Variants in CNTNAP2 observed in about 807,000 individuals in gnomAD.
CNTNAP2 encodes the protein contactin-associated protein-like 2.
CNTNAP2 carries 98 observed loss-of-function variants against 155.2 expected under a neutral mutation model. The observed-to-expected ratio is 0.63, with a 90% CI of 0.54 to 0.75. CNTNAP2 has a LOEUF of 0.75. CNTNAP2 is among the 30% of genes least tolerant of loss of function. The pLI is 0.00. For synonymous variants in CNTNAP2, 651 were observed against 631.2 expected (o/e 1.03, Z -0.47); for missense variants, 1,727 against 1,688.1 (o/e 1.02, Z -0.40).
At chr7:147,292,666 A>C (rs1250343579) in intron 8 of CNTNAP2, among the ~76,000 whole-genome samples, 1 of 152,182 alleles carries the variant, frequency 6.6e-6, no homozygotes, top group Non-Finnish European at 1.5e-5. Flanking sequence ...AAGGACCACT[A>C]CCTAGATCCT....
chr7:147,580,619 ATT>A (rs5888275), intron 12 of CNTNAP2, among the ~76,000 whole-genome samples: 4,381 of 142,294 alleles, frequency 0.031, 195 homozygotes, highest in African/African-American at 0.1. Flanking sequence ...TTACATTATC[ATT>A]TTTTTTTTTT....
At chr7:146,911,902 C>G (rs1796291575) in intron 3 of CNTNAP2, among the ~76,000 whole-genome samples, 1 of 152,106 alleles carries the variant, frequency 6.6e-6, no homozygotes. Flanking sequence ...ATCTCAAACA[C>G]ACATAGAATT....
chr7:147,302,246 G>T (rs1417996161), intron 9 of CNTNAP2, among the ~76,000 whole-genome samples: 1 of 152,196 alleles, frequency 6.6e-6, no homozygotes. Flanking sequence ...AATCTCTGCT[G>T]ATCCCTTGAC....
intron 3 of CNTNAP2, among the ~76,000 whole-genome samples, chr7:146,929,632 A>G (rs1009915969): frequency 6.6e-6 from 1 of 152,200 alleles, no homozygotes; most frequent in Non-Finnish European, 1.5e-5. Context: ...CAGATGATCA[A>G]ACTACTCCGA....
intron 13 of CNTNAP2, among the ~76,000 whole-genome samples, chr7:147,767,748 A>T (rs1302067140): frequency 2.0e-5 from 3 of 152,108 alleles, no homozygotes; most frequent in Non-Finnish European, 1.5e-5. Context: ...AAGTGTCTTC[A>T]TGTGAGAAAG....
intron 3 of CNTNAP2, among the ~76,000 whole-genome samples, chr7:146,842,689 T>C (rs1442242734): frequency 6.6e-6 from 1 of 152,058 alleles, no homozygotes; most frequent in Non-Finnish European, 1.5e-5. Flanking sequence ...TGTCACATAC[T>C]TTTTTATTTT....
intron 11 of CNTNAP2, among the ~76,000 whole-genome samples, chr7:147,506,520 G>T (rs1244774271): frequency 6.6e-6 from 1 of 152,200 alleles, no homozygotes; most frequent in African/African-American, 2.4e-5. Flanking sequence ...CTCCCAAAAT[G>T]CTGGGATTAC....
intron 11 of CNTNAP2, among the ~76,000 whole-genome samples, chr7:147,561,029 A>G (rs1800052409): frequency 6.6e-6 from 1 of 151,950 alleles, no homozygotes; most frequent in African/African-American, 2.4e-5. Flanking sequence ...TATTCCTGTT[A>G]GAGTAACTAC....
intron 3 of CNTNAP2, among the ~76,000 whole-genome samples, chr7:146,965,413 G>GTTT (rs928582597): frequency 2.6e-5 from 4 of 151,914 alleles, no homozygotes; most frequent in Non-Finnish European, 4.4e-5. Flanking sequence ...CTCACATTGG[G>GTTT]TTTTTCTTAC....
chr7:146,500,738 C>T (rs957594160), intron 1 of CNTNAP2, among the ~76,000 whole-genome samples: 16 of 152,048 alleles, frequency 1.1e-4, no homozygotes, highest in Admixed American at 1.1e-3. Context: ...TTTTATCTGG[C>T]CAGAACCACC....
intron 1 of CNTNAP2, among the ~76,000 whole-genome samples, chr7:146,143,340 C>T (rs748357853): frequency 6.6e-6 from 1 of 152,104 alleles, no homozygotes; most frequent in Non-Finnish European, 1.5e-5. Flanking sequence ...ATGGATTGGA[C>T]TTTGTTAATG....
intron 9 of CNTNAP2, among the ~76,000 whole-genome samples, chr7:147,310,572 C>A (rs1479838): frequency 0.49 from 74,575 of 151,882 alleles, 19,479 homozygotes; most frequent in East Asian, 0.73. Flanking sequence ...AACTGTAATG[C>A]CTTGTATATC....
intron 13 of CNTNAP2, among the ~76,000 whole-genome samples, chr7:147,850,635 G>C (rs1051871000): frequency 1.3e-5 from 2 of 152,154 alleles, no homozygotes; most frequent in African/African-American, 4.8e-5. Flanking sequence ...ACAACCATCT[G>C]ATCTTTGACA....
chr7:148,416,402 ACCATGGTGACCAGC>A lies in CNTNAP2; in HGVS notation c.*787_*800del, dbSNP rs964997993. ...AATAGCTGTAACTATCAGCTGCAAT[ACCATGGTGACCAGC>A]TGTTACAAAAGATTTTTTCCTGTTT... is the stretch of plus-strand genomic sequence containing the variant. On this transcript the variant is annotated 3_prime_UTR_variant, in exon 24 of 24. Coordinates refer to ENST00000361727, the MANE Select transcript of CNTNAP2 (RefSeq NM_014141.6). The A allele has an allele frequency of 2.0e-5, 3 of 152,166 alleles. No individual in the cohort carries two copies. The highest frequency in any genetic ancestry group is 2.0e-4 in the Admixed American group (3 of 15,280). The allele number at this position is 152,166 out of a possible 1,614,324, so 9.4% of individuals were successfully genotyped here.
At chr7:146,418,866 C>G (rs1255572076) in intron 1 of CNTNAP2, among the ~76,000 whole-genome samples, 1 of 152,012 alleles carries the variant, frequency 6.6e-6, no homozygotes, top group African/African-American at 2.4e-5. Context: ...GAAGTGAAGA[C>G]AGGGACAAGA....
intron 9 of CNTNAP2, among the ~76,000 whole-genome samples, chr7:147,392,213 C>T (rs529288087): frequency 6.2e-4 from 95 of 152,178 alleles, no homozygotes; most frequent in Non-Finnish European, 1.1e-3. Flanking sequence ...AGAGCCATCA[C>T]GCTTCTTTTA....
chr7:148,327,385 G>C (rs756957269), intron 21 of CNTNAP2, among the ~76,000 whole-genome samples: 15 of 152,198 alleles, frequency 9.9e-5, no homozygotes, highest in Non-Finnish European at 1.9e-4. Context: ...TTTGCTGTTT[G>C]CCAGCAGCCT....
chr7:148,119,168 G>T (rs905716414), intron 16 of CNTNAP2, among the ~76,000 whole-genome samples: 2 of 152,090 alleles, frequency 1.3e-5, no homozygotes, highest in Non-Finnish European at 2.9e-5. Flanking sequence ...CCACAAGGAC[G>T]AGGCCAGGCT....
chr7:148,072,217 GAGTTAAGCTA>G (rs1288849846), intron 15 of CNTNAP2, among the ~76,000 whole-genome samples: 1 of 152,136 alleles, frequency 6.6e-6, no homozygotes, highest in East Asian at 1.9e-4. Flanking sequence ...ACTCTTCTAA[GAGTTAAGCTA>G]AAGTCTATCC....
Sources: gnomAD v4.1 joint callset for allele counts (sites outside exome capture counted in the v4.1 genomes callset) on GRCh38, gnomAD v4.1.1 for gene constraint, MANE v1.5 for transcripts, NCBI Gene and HGNC (gene_info 2026-07-23, HGNC 2026-07-21) for gene names.